SLC4A4: variants seen among roughly 807,000 people sequenced by gnomAD.
SLC4A4 encodes the protein electrogenic sodium bicarbonate cotransporter 1.
A neutral mutation model predicts 111.5 loss-of-function variants in SLC4A4; 27 were observed. That is an observed-to-expected ratio of 0.24 (90% CI 0.18 to 0.33). The LOEUF (loss-of-function observed/expected upper bound fraction) is 0.33. SLC4A4 is among the 10% of genes least tolerant of loss of function. The probability of loss-of-function intolerance (pLI) is 1.00; values close to 1 mark genes in which losing one functional copy is unlikely to be tolerated. For synonymous variants in SLC4A4, 443 were observed against 463.4 expected (o/e 0.96, Z 0.57); for missense variants, 909 against 1,315.5 (o/e 0.69, Z 4.78).
intron 3 of SLC4A4, among the ~76,000 whole-genome samples, chr4:71,299,683 G>T (rs754510496): frequency 6.6e-6 from 1 of 152,084 alleles, no homozygotes; most frequent in Non-Finnish European, 1.5e-5. Context: ...AGAGGGCAGG[G>T]GGCATGTCTC....
intron 1 of SLC4A4, among the ~76,000 whole-genome samples, chr4:71,210,856 G>A (rs1011056482): frequency 6.6e-6 from 1 of 152,198 alleles, no homozygotes; most frequent in Non-Finnish European, 1.5e-5. Context: ...CTGATGCAGA[G>A]TAGGTACTCA....
At chr4:71,104,880 TC>T (rs1742863058) in intron 2 of SLC4A4, among the ~76,000 whole-genome samples, 1 of 41,216 alleles carries the variant, frequency 2.4e-5, no homozygotes, top group African/African-American at 8.8e-5. Flanking sequence ...GGATGCCCTC[TC>T]TCACCACTCC....
At chr4:71,360,300 T>C (rs1282732804) in intron 6 of SLC4A4, among the ~76,000 whole-genome samples, 2 of 152,174 alleles carry the variant, frequency 1.3e-5, no homozygotes, top group South Asian at 2.1e-4. Context: ...ATTTACCCCA[T>C]AGAAACCAGC....
At chr4:71,353,716 C>T (rs555270386) in intron 5 of SLC4A4, among the ~76,000 whole-genome samples, 4 of 152,210 alleles carry the variant, frequency 2.6e-5, no homozygotes, top group Admixed American at 1.3e-4. Context: ...CATCTCCCCC[C>T]GCACCCCAAT....
chr4:71,355,320 T>C (rs1730187491), intron 5 of SLC4A4, among the ~76,000 whole-genome samples: 2 of 152,234 alleles, frequency 1.3e-5, no homozygotes, highest in Non-Finnish European at 2.9e-5. Flanking sequence ...TTTCTGGTTC[T>C]TCTGTAAAAT....
At chr4:71,256,977 A>G (rs746021304) in intron 3 of SLC4A4, among the ~76,000 whole-genome samples, 34 of 152,322 alleles carry the variant, frequency 2.2e-4, no homozygotes, top group Non-Finnish European at 4.6e-4. Context: ...AGAGGTGCTC[A>G]CCTAGACAAA....
At chr4:71,157,100 A>G (rs1578534256) in intron 2 of SLC4A4, among the ~76,000 whole-genome samples, 1 of 152,330 alleles carries the variant, frequency 6.6e-6, no homozygotes, top group East Asian at 1.9e-4. Context: ...GAATGTAAAT[A>G]CACCACTCCA....
At chr4:71,267,524 A>G (rs1296060647) in intron 3 of SLC4A4, among the ~76,000 whole-genome samples, 1 of 152,134 alleles carries the variant, frequency 6.6e-6, no homozygotes, top group Non-Finnish European at 1.5e-5. Flanking sequence ...CTAAAAAATA[A>G]TTTCATTATC....
chr4:71,426,715 A>G (rs1483151418), intron 7 of SLC4A4, among the ~76,000 whole-genome samples: 5 of 152,182 alleles, frequency 3.3e-5, no homozygotes, highest in African/African-American at 1.2e-4. Context: ...CCTAAGAAAA[A>G]TATAATTGCC....
intron 16 of SLC4A4, among the ~76,000 whole-genome samples, chr4:71,502,603 T>C (rs1731048941): frequency 6.6e-6 from 1 of 152,218 alleles, no homozygotes; most frequent in African/African-American, 2.4e-5. Context: ...GTAGCATACA[T>C]ATTCAGGAGC....
intron 2 of SLC4A4, among the ~76,000 whole-genome samples, chr4:71,113,168 G>C (rs1285222233): frequency 6.6e-6 from 1 of 152,156 alleles, no homozygotes; most frequent in African/African-American, 2.4e-5. Context: ...AGAGTTCCTC[G>C]TTTTTCAATT....
intron 12 of SLC4A4, among the ~76,000 whole-genome samples, 185 bp from the exon 13 acceptor site, chr4:71,466,259 G>C (rs1727300828): frequency 6.6e-6 from 1 of 152,134 alleles, no homozygotes; most frequent in South Asian, 2.1e-4. Flanking sequence ...TAAATTGTAG[G>C]TGAAATAAAT....
intron 7 of SLC4A4, among the ~76,000 whole-genome samples, chr4:71,402,256 G>GGAATA (rs1191234821): frequency 1.3e-5 from 2 of 152,054 alleles, no homozygotes; most frequent in Non-Finnish European, 2.9e-5. Context: ...GATTATTGGG[G>GGAATA]GAATAACCCC....
chr4:71,334,959 A>G (rs961450364), intron 3 of SLC4A4, among the ~76,000 whole-genome samples: 14 of 152,162 alleles, frequency 9.2e-5, no homozygotes, highest in Admixed American at 5.2e-4. Context: ...ACATCTTTAG[A>G]AATGGACAAA....
intron 6 of SLC4A4, among the ~76,000 whole-genome samples, chr4:71,386,637 A>G (rs1276728563): frequency 2.0e-5 from 3 of 151,832 alleles, no homozygotes; most frequent in East Asian, 1.9e-4. Context: ...TTTTAAGGTA[A>G]TTATTGGTCT....
intron 2 of SLC4A4, among the ~76,000 whole-genome samples, chr4:71,153,139 G>A (rs1744363682): frequency 6.6e-6 from 1 of 151,554 alleles, no homozygotes; most frequent in Middle Eastern, 3.2e-3. Flanking sequence ...AGCAAGGAGA[G>A]CCAGTCCGAG....
chr4:71,222,613 T>C (rs1322385030), intron 1 of SLC4A4, among the ~76,000 whole-genome samples: 1 of 152,202 alleles, frequency 6.6e-6, no homozygotes, highest in Admixed American at 6.5e-5. Flanking sequence ...TTTGGAAAAT[T>C]AGATCACAAG....
chr4:71,151,577 A>G (rs916736047), intron 2 of SLC4A4, among the ~76,000 whole-genome samples: 3 of 151,800 alleles, frequency 2.0e-5, no homozygotes, highest in African/African-American at 7.3e-5. Context: ...TCAACTTTTT[A>G]GGCCTTTTCT....
chr4:71,379,450 T>C (rs1417382293), intron 6 of SLC4A4, among the ~76,000 whole-genome samples: 1 of 152,160 alleles, frequency 6.6e-6, no homozygotes, highest in African/African-American at 2.4e-5. Context: ...AAATTTAACC[T>C]ATCCCTAAAG....
Sources: allele counts gnomAD v4.1 joint callset (sites outside exome capture counted in the v4.1 genomes callset), GRCh38; gene constraint gnomAD v4.1.1; transcripts MANE v1.5; gene names NCBI Gene and HGNC (gene_info 2026-07-23, HGNC 2026-07-21).